The following ACO2 variants were observed in gnomAD, a reference collection of about 807,000 sequenced individuals.
ACO2 encodes the protein aconitate hydratase, mitochondrial.
In ACO2, 31 loss-of-function variants were observed where a neutral mutation model predicts 84.5. The observed-to-expected ratio is 0.37, with a 90% CI of 0.28 to 0.50. The LOEUF (loss-of-function observed/expected upper bound fraction) is 0.50, where lower values mean the gene tolerates loss of function less well. ACO2 is among the 20% of genes least tolerant of loss of function. The pLI, the probability that ACO2 is intolerant of heterozygous loss-of-function variation, is 0.97. For synonymous variants in ACO2, 414 were observed against 412.7 expected (o/e 1.00, Z -0.04); for missense variants, 685 against 1,029.3 (o/e 0.67, Z 4.58).
chr22:41,485,377 C>T (rs1230000683), intron 1 of ACO2, among the ~76,000 whole-genome samples: 1 of 151,814 alleles, frequency 6.6e-6, no homozygotes, highest in Non-Finnish European at 1.5e-5. Flanking sequence ...CTTAGCTCAC[C>T]ACAACCTCTG....
chr22:41,491,534 T>G (rs1367174300), intron 1 of ACO2, among the ~76,000 whole-genome samples: 2 of 152,184 alleles, frequency 1.3e-5, no homozygotes, highest in Non-Finnish European at 2.9e-5. Flanking sequence ...CCTGATGAGC[T>G]AAGGCTTCTG....
chr22:41,524,013 GA>G, intron 12 of ACO2, 72 bp downstream of exon 12: 1 of 1,333,446 alleles, frequency 7.5e-7, no homozygotes, highest in African/African-American at 1.4e-5. Flanking sequence ...GGAGGAGGCA[GA>G]AGGAGATGGG....
At position 41,517,507 on chromosome 22, in the gene ACO2, G is replaced by T; in HGVS notation, c.836-20G>T. ...CTGGCCCGGCCACCAGCCAATGCCC[G>T]GGGCTCTGTTGCTCCACAGGCATGG... On this transcript the variant is annotated intron_variant, in intron 6 of 17. Transcript: ENST00000216254. 1 of 1,610,390 alleles carries T rather than the reference G, an allele frequency of 6.2e-7. No homozygotes were observed. Among genetic ancestry groups the T allele is most frequent in the East Asian group, 2.2e-5 (1 of 44,786 alleles).
intron 1 of ACO2, among the ~76,000 whole-genome samples, chr22:41,479,660 T>A (rs1398604003): frequency 6.6e-6 from 1 of 152,138 alleles, no homozygotes; most frequent in African/African-American, 2.4e-5. Flanking sequence ...CCAGTGAGGC[T>A]GGTGGGGGAG....
rs1569023764 is a variant in ACO2 at position 41,526,241 on chromosome 22, CCT to C, written c.1762-16_1762-15del. On this transcript the variant is annotated intron_variant, in intron 14 of 17. Coordinates refer to ENST00000216254, the MANE Select transcript of ACO2 (RefSeq NM_001098.3). Reference sequence around the variant, plus strand: ...TCCAGGGCCATGCCCTGACCTCTGTCCTCTCTACTTACCACCCAAGGTCAAAG... The same window carrying C: ...TCCAGGGCCATGCCCTGACCTCTGTCCTCTACTTACCACCCAAGGTCAAAG... 4.4e-6 allele frequency: 7 copies of C among 1,606,786 alleles called. No individual in the cohort carries two copies. Among genetic ancestry groups the C allele is most frequent in the African/African-American group, 1.3e-5 (1 of 74,790 alleles).
intron 1 of ACO2, among the ~76,000 whole-genome samples, chr22:41,483,893 G>A (rs1258608430): frequency 1.3e-5 from 2 of 152,148 alleles, no homozygotes; most frequent in Non-Finnish European, 2.9e-5. Flanking sequence ...GATATTCTAA[G>A]GATACTAATG....
intron 1 of ACO2, among the ~76,000 whole-genome samples, chr22:41,483,496 A>T (rs1315137689): frequency 2.0e-5 from 3 of 151,992 alleles, no homozygotes; most frequent in African/African-American, 7.2e-5. Context: ...GTCTTTACTA[A>T]AAATACAAAA....
rs568268360 is a variant in ACO2 at position 41,469,538 on chromosome 22, C to T, written c.36+356C>T. 9.3e-5 allele frequency: 24 copies of T among 259,188 alleles called. No individual in the cohort carries two copies. The East Asian group carries it at 1.8e-3, about 20-fold the overall frequency. The allele number at this position is 259,188 out of a possible 1,614,324, so 16.1% of individuals were successfully genotyped here. A position where few individuals can be genotyped will look rare whatever the true frequency, so the allele number is the denominator to read the frequency against. ...GGACAAGGTGACTAGGGGGCGCGGT[C>T]GTTGTTGAGTCTTCTAGGCCCAGTT... On this transcript the variant is annotated intron_variant, in intron 1 of 17. Transcript: ENST00000216254.
intron 15 of ACO2, chr22:41,526,833 GAAAC>G (rs985533928): frequency 3.0e-5 from 9 of 295,188 alleles, no homozygotes; most frequent in African/African-American, 1.3e-4. Flanking sequence ...TCTGCTTTGA[GAAAC>G]AAACAGAACC....
intron 1 of ACO2, among the ~76,000 whole-genome samples, chr22:41,485,035 C>T (rs1005304344): frequency 2.0e-5 from 3 of 151,898 alleles, no homozygotes; most frequent in East Asian, 1.9e-4. Context: ...CGACCACACT[C>T]TGCTAATTTT....
intron 7 of ACO2, among the ~76,000 whole-genome samples, chr22:41,518,054 C>G (rs1401052171): frequency 2.0e-5 from 3 of 152,232 alleles, no homozygotes; most frequent in Non-Finnish European, 4.4e-5. Context: ...CCCTGAGGCT[C>G]TAGCCTGGCT....
At chr22:41,482,788 T>C (rs972604100) in intron 1 of ACO2, among the ~76,000 whole-genome samples, 4 of 152,110 alleles carry the variant, frequency 2.6e-5, no homozygotes, top group Admixed American at 2.0e-4. Context: ...CATTTACAGA[T>C]GGGAAAAATT....
intron 1 of ACO2, among the ~76,000 whole-genome samples, chr22:41,491,684 G>A (rs1173567951): frequency 2.0e-5 from 3 of 152,196 alleles, no homozygotes; most frequent in African/African-American, 7.2e-5. Context: ...CTTTATGGAG[G>A]AAACAATATA....
rs1317289463 is a variant in ACO2 at position 41,522,930 on chromosome 22, G to T, written c.1239G>T (p.Gln413His). The change falls in exon 10 of 18, where the codon CAG becomes CAT. Residue 413 changes from glutamine to histidine, a missense_variant. Gln to His is a conservative substitution (Grantham distance 24). Coordinates refer to ENST00000216254, the MANE Select transcript of ACO2 (RefSeq NM_001098.3). ...CCCATGGCCTCAAGTGCAAGTCCCA[G>T]TTCACCATCACTCCAGGTTCCGAGC... ...ALAHGLKCKSQFTITPGSEQI... is the reference protein window; with the variant it reads ...ALAHGLKCKSHFTITPGSEQI... The T allele has an allele frequency of 6.2e-7, 1 of 1,614,234 alleles. No homozygotes were observed. The highest frequency in any genetic ancestry group is 1.1e-5 in the South Asian group (1 of 91,090).
At position 41,515,917 on chromosome 22, in the gene ACO2, G is replaced by C. The variant is rs2066472661; in HGVS notation, c.835G>C (p.Gly279Arg). The C allele has an allele frequency of 6.2e-7, 1 of 1,613,556 alleles. No homozygotes were observed. Among genetic ancestry groups the C allele is most frequent in the Non-Finnish European group, 8.5e-7 (1 of 1,179,742 alleles). ...GPGVDSISCT[G>R]MATICNMGAE... is the part of the protein sequence containing the mutation. ...TGGTGTAGACTCCATCTCCTGCACT[G>C]GTGAGGAAGGCGGCCAGGCGACGTG... The change falls in exon 6 of 18, where the codon GGC becomes CGC. Residue 279 changes from glycine to arginine, a missense_variant and splice_region_variant. Gly to Arg is a moderately radical substitution (Grantham distance 125, BLOSUM62 -2). Transcript: ENST00000216254. The surrounding 1 kb of genome is among the most constrained non-coding windows in gnomAD (Gnocchi z 5.8).
intron 8 of ACO2, among the ~76,000 whole-genome samples, chr22:41,519,022 C>T (rs1320103507): frequency 6.6e-6 from 1 of 152,168 alleles, no homozygotes; most frequent in South Asian, 2.1e-4. Flanking sequence ...CTTCCTGAAG[C>T]AGCCTGGAGC....
Position 41,507,935 on chromosome 22 carries a change from C to A in ACO2, c.318C>A (p.Ala106=). Reference sequence around the variant, plus strand: ...TGCAGGATGCGACGGCCCAGATGGCCATGCTCCAGTTCATCAGCAGCGGGC... The same window carrying A: ...TGCAGGATGCGACGGCCCAGATGGCAATGCTCCAGTTCATCAGCAGCGGGC... ...VAMQDATAQM[A]MLQFISSGLS... is the part of the protein sequence containing the mutation. Residue 106 remains alanine (A), a synonymous_variant, in exon 3 of 18, where the codon GCC becomes GCA. Coordinates refer to ENST00000216254, the MANE Select transcript of ACO2 (RefSeq NM_001098.3). The A allele has an allele frequency of 6.2e-7, 1 of 1,614,246 alleles. No homozygotes were observed. Among genetic ancestry groups the A allele is most frequent in the African/African-American group, 1.3e-5 (1 of 75,074 alleles).
At chr22:41,525,708 G>T in intron 14 of ACO2, 2 of 272,854 alleles carry the variant, frequency 7.3e-6, no homozygotes, top group Non-Finnish European at 1.4e-5. Context: ...CGTCCACACA[G>T]GCTCTGGAAG....
chr22:41,490,995 T>A (rs550072453), intron 1 of ACO2, among the ~76,000 whole-genome samples: 1 of 151,782 alleles, frequency 6.6e-6, no homozygotes, highest in East Asian at 1.9e-4. Context: ...ATGAATGAAG[T>A]CAAGGAGAGG....
Sources: gnomAD v4.1 joint callset for allele counts (sites outside exome capture counted in the v4.1 genomes callset) on GRCh38, gnomAD v4.1.1 for gene constraint, Gnocchi (gnomAD v3.1) non-coding constraint, MANE v1.5 for transcripts, NCBI Gene and HGNC (gene_info 2026-07-23, HGNC 2026-07-21) for gene names.